Variants in EIF4G3 observed in about 807,000 individuals in gnomAD.
EIF4G3 encodes eIF-4-gamma 3.
In EIF4G3, 34 loss-of-function variants were observed where a neutral mutation model predicts 186.4. That is an observed-to-expected ratio of 0.18 (90% CI 0.14 to 0.24). The LOEUF is 0.24. Among genes scored for constraint, EIF4G3 ranks in the 10% least tolerant of loss-of-function variants. The pLI, the probability that EIF4G3 is intolerant of heterozygous loss-of-function variation, is 1.00. For synonymous variants in EIF4G3, 673 were observed against 679.5 expected (o/e 0.99, Z 0.15); for missense variants, 1,536 against 1,948.5 (o/e 0.79, Z 3.99).
chr1:21,053,778 C>T (rs1439457634), intron 3 of EIF4G3, among the ~76,000 whole-genome samples: 22 of 147,834 alleles, frequency 1.5e-4, no homozygotes, highest in Admixed American at 1.3e-3. Context: ...GGCACCTCTG[C>T]CCGGCTGCCC....
intron 11 of EIF4G3, 38 bp downstream of exon 11, chr1:20,972,964 T>G: frequency 6.7e-7 from 1 of 1,502,864 alleles, no homozygotes; most frequent in South Asian, 1.2e-5. Flanking sequence ...GAATAGATTT[T>G]AGATTTAAAA....
intron 3 of EIF4G3, among the ~76,000 whole-genome samples, chr1:21,085,091 G>C (rs1412418319): frequency 6.6e-6 from 1 of 150,842 alleles, no homozygotes; most frequent in African/African-American, 2.4e-5. Flanking sequence ...ACAAAAAGCT[G>C]ATACGAGATA....
intron 2 of EIF4G3, among the ~76,000 whole-genome samples, chr1:21,154,510 T>C (rs1010663656): frequency 2.0e-5 from 3 of 152,244 alleles, no homozygotes; most frequent in African/African-American, 7.2e-5. Flanking sequence ...AGTTGAACTT[T>C]AAGAATCCTT....
At chr1:20,837,527 CAG>C (rs2067123239) in intron 30 of EIF4G3, among the ~76,000 whole-genome samples, 1 of 152,176 alleles carries the variant, frequency 6.6e-6, no homozygotes, top group African/African-American at 2.4e-5. Flanking sequence ...CTAACCTTCC[CAG>C]AGTTATCATT....
intron 2 of EIF4G3, among the ~76,000 whole-genome samples, chr1:21,128,079 C>T (rs570330850): frequency 3.9e-4 from 59 of 151,674 alleles, no homozygotes; most frequent in Non-Finnish European, 6.8e-4. Context: ...TGGTGGCGGG[C>T]GCCTGTAGTC....
At chr1:20,859,667 G>A (rs1169347912) in intron 24 of EIF4G3, among the ~76,000 whole-genome samples, 8 of 152,118 alleles carry the variant, frequency 5.3e-5, no homozygotes, top group Non-Finnish European at 1.5e-5. Flanking sequence ...TGGCGCGATC[G>A]CGGCTCACCG....
chr1:21,085,845 C>T (rs1329989874), intron 3 of EIF4G3, among the ~76,000 whole-genome samples: 1 of 152,114 alleles, frequency 6.6e-6, no homozygotes, highest in Non-Finnish European at 1.5e-5. Flanking sequence ...AGGTTCACGC[C>T]ACCACACCCG....
chr1:21,053,627 G>A (rs1473801939), intron 3 of EIF4G3, among the ~76,000 whole-genome samples: 53 of 138,722 alleles, frequency 3.8e-4, no homozygotes, highest in South Asian at 1.3e-3. Flanking sequence ...CACCCGCCCC[G>A]TCCGGGAGGT....
intron 2 of EIF4G3, among the ~76,000 whole-genome samples, chr1:21,111,843 G>A (rs2096732709): frequency 1.3e-5 from 2 of 152,184 alleles, no homozygotes; most frequent in Non-Finnish European, 1.5e-5. Context: ...TTCCCAAGGT[G>A]AGCAGCTTAT....
chr1:21,151,166 A>C (rs898780218), intron 2 of EIF4G3, among the ~76,000 whole-genome samples: 2 of 151,330 alleles, frequency 1.3e-5, no homozygotes, highest in Non-Finnish European at 2.9e-5. Context: ...ACTTCCACGG[A>C]GAAAATGTGC....
At chr1:20,875,853 A>G (rs1447405174) in intron 20 of EIF4G3, among the ~76,000 whole-genome samples, 1 of 152,170 alleles carries the variant, frequency 6.6e-6, no homozygotes, top group Non-Finnish European at 1.5e-5. Context: ...TTGAGGGTGC[A>G]GTAAGCCCAG....
At chr1:20,845,308 T>C (rs1408614250) in intron 29 of EIF4G3, among the ~76,000 whole-genome samples, 1 of 152,190 alleles carries the variant, frequency 6.6e-6, no homozygotes, top group African/African-American at 2.4e-5. Context: ...TCCGTTCCAC[T>C]GGTCTATGTG....
chr1:21,072,104 C>T (rs1047185476), intron 3 of EIF4G3, among the ~76,000 whole-genome samples: 2 of 151,904 alleles, frequency 1.3e-5, no homozygotes, highest in Non-Finnish European at 2.9e-5. Flanking sequence ...GTCTTTTATC[C>T]CTTAACTTCC....
intron 10 of EIF4G3, among the ~76,000 whole-genome samples, chr1:20,975,577 CCTA>C (rs1329378385): frequency 2.0e-5 from 3 of 150,178 alleles, no homozygotes; most frequent in Non-Finnish European, 4.4e-5. Flanking sequence ...GAAAATCTGC[CCTA>C]CTACTACTAA....
At chr1:21,112,755 A>G (rs1023307884) in intron 2 of EIF4G3, among the ~76,000 whole-genome samples, 5 of 152,204 alleles carry the variant, frequency 3.3e-5, no homozygotes, top group African/African-American at 4.8e-5. Flanking sequence ...ATGTTATAAT[A>G]AAAATATTCT....
At position 20,980,469 on chromosome 1, in the gene EIF4G3, A is replaced by G. The variant is rs192211154; in HGVS notation, c.379-21T>C. On this transcript the variant is annotated intron_variant, in intron 9 of 36. Transcript: ENST00000602326. Reference sequence around the variant, plus strand: ...CGGTACTAGAAAAGAGAAAGTATGAATATTTATAAATAATATGGTATCTGG... The same window carrying G: ...CGGTACTAGAAAAGAGAAAGTATGAGTATTTATAAATAATATGGTATCTGG... 3 of 1,464,220 alleles carry G rather than the reference A, an allele frequency of 2.0e-6. No homozygotes were observed. In the Admixed American group the frequency reaches 7.2e-5, roughly 35 times the overall value. 90.7% of individuals were successfully genotyped at this position (1,464,220 alleles called of 1,614,324 possible). A position where few individuals can be genotyped will look rare whatever the true frequency, so the allele number is the denominator to read the frequency against.
chr1:20,846,626 T>C (rs940545667), intron 29 of EIF4G3, among the ~76,000 whole-genome samples: 2 of 152,234 alleles, frequency 1.3e-5, no homozygotes, highest in African/African-American at 4.8e-5. Context: ...CCCACTGGAA[T>C]GTAAGCTCCA....
intron 10 of EIF4G3, among the ~76,000 whole-genome samples, chr1:20,974,547 A>G (rs2076468822): frequency 6.6e-6 from 1 of 152,174 alleles, no homozygotes; most frequent in Non-Finnish European, 1.5e-5. Context: ...GCCTGATTTG[A>G]GTGGGTTCAA....
chr1:21,155,136 G>T (rs1011936827), intron 2 of EIF4G3, among the ~76,000 whole-genome samples: 21 of 151,772 alleles, frequency 1.4e-4, no homozygotes, highest in African/African-American at 3.9e-4. Context: ...GGTGGCAGGT[G>T]CCTGTAATCT....
Sources: gnomAD v4.1 joint callset for allele counts (sites outside exome capture counted in the v4.1 genomes callset) on GRCh38, gnomAD v4.1.1 for gene constraint, MANE v1.5 for transcripts, NCBI Gene and HGNC (gene_info 2026-07-23, HGNC 2026-07-21) for gene names.